Variants in CACNB2 observed in about 807,000 individuals in gnomAD.
CACNB2 encodes the protein calcium voltage-gated channel auxiliary subunit beta 2.
CACNB2 carries 42 observed loss-of-function variants against 73.3 expected under a neutral mutation model. The observed-to-expected ratio is 0.57, with a 90% CI of 0.45 to 0.74. The LOEUF (loss-of-function observed/expected upper bound fraction) is 0.74, where lower values mean the gene tolerates loss of function less well. Ranked by LOEUF, CACNB2 falls within the 30% of genes least tolerant of loss-of-function variation. The pLI, the probability that CACNB2 is intolerant of heterozygous loss-of-function variation, is 0.00. For missense variants in CACNB2, 940 were observed against 853.0 expected, an observed-to-expected ratio of 1.10 and a Z score of -1.27; for synonymous variants, 348 against 310.3, an observed-to-expected ratio of 1.12 and a Z score of -1.28.
chr10:18,279,077 T>C (rs1461155992), intron 2 of CACNB2, among the ~76,000 whole-genome samples: 1 of 152,220 alleles, frequency 6.6e-6, no homozygotes, highest in Non-Finnish European at 1.5e-5. Context: ...ACCTCCTGAA[T>C]TCTTCCTCTA....
At chr10:18,432,152 T>C (rs1467896166) in intron 3 of CACNB2, among the ~76,000 whole-genome samples, 2 of 152,244 alleles carry the variant, frequency 1.3e-5, no homozygotes, top group African/African-American at 4.8e-5. Context: ...GGAAAAGCTC[T>C]GTTTTAATTA....
intron 2 of CACNB2, among the ~76,000 whole-genome samples, chr10:18,335,462 G>C (rs775917289): frequency 2.0e-5 from 3 of 152,156 alleles, no homozygotes; most frequent in South Asian, 4.1e-4. Context: ...GCATGGCGGA[G>C]CATGCCTTTA....
chr10:18,488,474 C>CAAAAAAAAAAA (rs59931967), intron 3 of CACNB2, among the ~76,000 whole-genome samples: 3 of 67,966 alleles, frequency 4.4e-5, no homozygotes, highest in Non-Finnish European at 5.1e-5. Context: ...GACTCCATCT[C>CAAAAAAAAAAA]AAAAAAAAAA....
In CACNB2 at chr10:18,538,309, C is replaced by T. The variant is rs551742573; in HGVS notation, c.1432C>T (p.Arg478Cys). 2.1e-5 allele frequency: 34 copies of T among 1,614,008 alleles called. No individual in the cohort carries two copies. In the East Asian group the frequency reaches 4.0e-4, roughly 19 times the overall value. Residue 478 changes from arginine (R) to cysteine (C), a missense_variant, in exon 13 of 14, where the codon CGT becomes TGT. By Grantham distance (180) the Arg-to-Cys change is radical. Transcript: ENST00000324631. ...TAGCCTCCCCAACCCTCTCCTTAGCCGTACATTAGCCACTTCAAGTCTGCC... is the reference window on the plus strand; with the variant it reads ...TAGCCTCCCCAACCCTCTCCTTAGCTGTACATTAGCCACTTCAAGTCTGCC... ...SSSLPNPLLS[R>C]TLATSSLPLS...
chr10:18,358,841 G>T (rs1271160740), intron 2 of CACNB2, among the ~76,000 whole-genome samples: 1 of 152,132 alleles, frequency 6.6e-6, no homozygotes, highest in Non-Finnish European at 1.5e-5. Flanking sequence ...TAGATTTCTT[G>T]TGTCTGTCAA....
At chr10:18,470,988 G>A (rs571150239) in intron 3 of CACNB2, among the ~76,000 whole-genome samples, 1 of 152,158 alleles carries the variant, frequency 6.6e-6, no homozygotes, top group African/African-American at 2.4e-5. Context: ...AAGTCCCACA[G>A]CCATCGATGT....
intron 2 of CACNB2, among the ~76,000 whole-genome samples, chr10:18,187,749 G>A (rs541831554): frequency 3.3e-5 from 5 of 152,252 alleles, no homozygotes; most frequent in African/African-American, 9.6e-5. Flanking sequence ...GTTACTTAAC[G>A]TGGTGCATCA....
At chr10:18,329,504 G>GA (rs11413915) in intron 2 of CACNB2, among the ~76,000 whole-genome samples, 27,262 of 112,562 alleles carry the variant, frequency 0.24, 2,467 homozygotes, top group Admixed American at 0.27. Context: ...AGTAAAAAAA[G>GA]AAAAAAAAAA....
At chr10:18,395,388 T>G (rs1257126358) in intron 2 of CACNB2, among the ~76,000 whole-genome samples, 1 of 152,142 alleles carries the variant, frequency 6.6e-6, no homozygotes, top group East Asian at 1.9e-4. Flanking sequence ...CCCACCATCA[T>G]TTTATTATCT....
intron 3 of CACNB2, among the ~76,000 whole-genome samples, chr10:18,464,418 T>TAAAATA (rs1554824204): frequency 5.5e-4 from 47 of 85,292 alleles, no homozygotes; most frequent in Middle Eastern, 6.9e-3. Context: ...TCTCAAAAAT[T>TAAAATA]AAAAAAAAAA....
chr10:18,141,294 C>A, intron 1 of CACNB2: 1 of 1,249,160 alleles, frequency 8.0e-7, no homozygotes, highest in Non-Finnish European at 1.1e-6. Flanking sequence ...ACGCTCCGAG[C>A]CGGGGTGGGC....
intron 2 of CACNB2, among the ~76,000 whole-genome samples, chr10:18,335,092 G>C (rs927943289): frequency 1.3e-5 from 2 of 150,662 alleles, no homozygotes; most frequent in African/African-American, 4.9e-5. Flanking sequence ...CTAAGTTACA[G>C]ACATCTAATG....
At chr10:18,395,705 A>G (rs909317013) in intron 2 of CACNB2, among the ~76,000 whole-genome samples, 3 of 152,146 alleles carry the variant, frequency 2.0e-5, no homozygotes, top group Non-Finnish European at 4.4e-5. Flanking sequence ...CTTTTACAGG[A>G]TCATAAAAGT....
intron 2 of CACNB2, among the ~76,000 whole-genome samples, chr10:18,221,568 C>T (rs2489200): frequency 1.3e-5 from 2 of 151,834 alleles, no homozygotes; most frequent in East Asian, 1.9e-4. Flanking sequence ...AGTCCCAGCT[C>T]CTTGGGAGGC....
At chr10:18,149,832 G>C (rs1479897147) in intron 1 of CACNB2, among the ~76,000 whole-genome samples, 1 of 152,068 alleles carries the variant, frequency 6.6e-6, no homozygotes, top group Non-Finnish European at 1.5e-5. Context: ...CACTTTTTAT[G>C]TATTACTTTG....
At chr10:18,291,177 G>T (rs2039053975) in intron 2 of CACNB2, among the ~76,000 whole-genome samples, 1 of 152,198 alleles carries the variant, frequency 6.6e-6, no homozygotes, top group African/African-American at 2.4e-5. Context: ...ATTATTTATT[G>T]AAACTGAGCC....
intron 10 of CACNB2, among the ~76,000 whole-genome samples, chr10:18,528,153 A>G (rs918214988): frequency 2.6e-5 from 4 of 152,240 alleles, no homozygotes; most frequent in South Asian, 2.1e-4. Flanking sequence ...TTCCAGTTAT[A>G]TATCAATAAT....
chr10:18,218,427 A>C (rs766821697), intron 2 of CACNB2, among the ~76,000 whole-genome samples: 2 of 152,226 alleles, frequency 1.3e-5, no homozygotes, highest in Admixed American at 6.5e-5. Context: ...AGAGACATTA[A>C]ATGTTCTTGG....
intron 2 of CACNB2, among the ~76,000 whole-genome samples, chr10:18,175,057 T>C (rs905531534): frequency 5.3e-5 from 8 of 152,188 alleles, no homozygotes; most frequent in Admixed American, 4.6e-4. Flanking sequence ...TTAACAAGAC[T>C]ATTTCATGTG....
Sources: gnomAD v4.1 joint callset for allele counts (sites outside exome capture counted in the v4.1 genomes callset) on GRCh38, gnomAD v4.1.1 for gene constraint, MANE v1.5 for transcripts, NCBI Gene and HGNC (gene_info 2026-07-23, HGNC 2026-07-21) for gene names.